Variants in ADGRL2 observed in about 807,000 individuals in gnomAD.
The protein encoded by ADGRL2 is calcium-independent alpha-latrotoxin receptor 2.
Under a neutral mutation model 157.4 loss-of-function variants are expected in ADGRL2, and 44 were observed. That is an observed-to-expected ratio of 0.28 (90% CI 0.22 to 0.36). The LOEUF (loss-of-function observed/expected upper bound fraction) is 0.36, where lower values mean the gene tolerates loss of function less well. ADGRL2 is among the 10% of genes least tolerant of loss of function. The pLI, the probability that ADGRL2 is intolerant of heterozygous loss-of-function variation, is 1.00. For missense variants in ADGRL2, 1,510 were observed against 1,768.9 expected (o/e 0.85, Z 2.63); for synonymous variants, 585 against 624.7 (o/e 0.94, Z 0.95).
chr1:81,679,283 G>C (rs1294389659), intron 3 of ADGRL2, among the ~76,000 whole-genome samples: 2 of 152,056 alleles, frequency 1.3e-5, no homozygotes, highest in African/African-American at 4.8e-5. Flanking sequence ...GAGTCAACAT[G>C]AGAGATCCAC....
At chr1:81,828,507 C>A (rs1195923138) in intron 1 of ADGRL2, among the ~76,000 whole-genome samples, 1 of 151,836 alleles carries the variant, frequency 6.6e-6, no homozygotes, top group Non-Finnish European at 1.5e-5. Flanking sequence ...TTTTAAAAAC[C>A]ATTAAAATGT....
intron 1 of ADGRL2, among the ~76,000 whole-genome samples, chr1:81,358,335 G>A (rs556493789): frequency 1.3e-5 from 2 of 152,110 alleles, no homozygotes; most frequent in Admixed American, 6.5e-5. Context: ...CGGCTCTCTT[G>A]GAATGAATGT....
chr1:81,980,762 CT>C, intron 18 of ADGRL2: 2 of 656,666 alleles, frequency 3.0e-6, no homozygotes, highest in Non-Finnish European at 5.8e-6. Context: ...TCTTTTCTTC[CT>C]TTTCCTCTTT....
chr1:81,389,659 G>A (rs2076498848), intron 1 of ADGRL2, among the ~76,000 whole-genome samples: 1 of 152,126 alleles, frequency 6.6e-6, no homozygotes, highest in South Asian at 2.1e-4. Context: ...ATGGTCTTGG[G>A]AAAGTCATCT....
At chr1:81,873,359 G>A (rs2093748008) in intron 2 of ADGRL2, among the ~76,000 whole-genome samples, 1 of 152,040 alleles carries the variant, frequency 6.6e-6, no homozygotes, top group South Asian at 2.1e-4. Flanking sequence ...GTTAGCACTG[G>A]ATAATCTGAA....
intron 2 of ADGRL2, among the ~76,000 whole-genome samples, chr1:81,783,803 C>G (rs1172640504): frequency 1.3e-5 from 2 of 152,092 alleles, no homozygotes; most frequent in African/African-American, 4.8e-5. Flanking sequence ...ATTTATATAA[C>G]AGCATTATAA....
intron 1 of ADGRL2, among the ~76,000 whole-genome samples, chr1:81,397,313 CTTTTTTTTTTTTTT>C (rs59449077): frequency 1.2e-3 from 67 of 53,650 alleles, no homozygotes; most frequent in African/African-American, 2.0e-3. Flanking sequence ...ATAATGTCTC[CTTTTTTTTTTTTTT>C]TTTTTTTTTT....
At chr1:81,810,284 G>T (rs1420022307) in intron 1 of ADGRL2, among the ~76,000 whole-genome samples, 1 of 151,262 alleles carries the variant, frequency 6.6e-6, no homozygotes, top group Admixed American at 6.6e-5. Context: ...TCTGTTTTAT[G>T]CAGACTACGT....
chr1:81,559,493 T>A (rs1165352783), intron 2 of ADGRL2, among the ~76,000 whole-genome samples: 1 of 151,948 alleles, frequency 6.6e-6, no homozygotes, highest in East Asian at 1.9e-4. Flanking sequence ...TTGCAGTTGT[T>A]CAGAATTCAA....
rs528549257 is a variant in ADGRL2 at position 81,453,467 on chromosome 1, C to A, written c.-248+8378C>A. Among the ~76,000 whole-genome samples, 66 of 152,108 alleles carry A rather than the reference C, an allele frequency of 4.3e-4. 1 individual carries two copies. The South Asian group carries it at 0.013, about 31-fold the overall frequency. On this transcript the variant is annotated intron_variant, in intron 2 of 24. Transcript: ENST00000370721. ...TGAGCCTGACCTTCCATAACAGCAG[C>A]CACTTAAGAGTTCTAGTGGTGGGGA... is the stretch of plus-strand genomic sequence containing the variant.
chr1:81,965,115 C>T (rs1433492374), intron 11 of ADGRL2, among the ~76,000 whole-genome samples: 1 of 151,986 alleles, frequency 6.6e-6, no homozygotes, highest in Non-Finnish European at 1.5e-5. Flanking sequence ...TTTGTATTGA[C>T]GTGTTTTCCT....
intron 1 of ADGRL2, among the ~76,000 whole-genome samples, chr1:81,754,020 G>T (rs543235762): frequency 6.6e-6 from 1 of 152,180 alleles, no homozygotes; most frequent in Admixed American, 6.6e-5. Flanking sequence ...GGGGAGTGGG[G>T]TCCTTCATAG....
chr1:81,984,498 C>A, intron 19 of ADGRL2, 85 bp from the exon 20 acceptor site: 1 of 1,294,538 alleles, frequency 7.7e-7, no homozygotes, highest in South Asian at 2.2e-5. Context: ...TAATTCTTTT[C>A]GGTTGTCTTC....
chr1:81,328,397 A>G (rs1466934748), intron 1 of ADGRL2, among the ~76,000 whole-genome samples: 3 of 152,092 alleles, frequency 2.0e-5, no homozygotes, highest in Non-Finnish European at 4.4e-5. Flanking sequence ...TACCCACTAA[A>G]AATAAAACCT....
Position 81,721,703 on chromosome 1 carries a change from C to A in ADGRL2, c.-143+21895C>A, listed in dbSNP as rs1439893186. 7 of 1,366,492 alleles carry A rather than the reference C, an allele frequency of 5.1e-6. No homozygotes were observed. The African/African-American group carries it at 7.1e-5, about 14-fold the overall frequency. 84.6% of individuals were successfully genotyped at this position (1,366,492 alleles called of 1,614,324 possible). ...CACTGCTTCCTGACCATGGACCCCCCGCAAAGTGAACGAGCAGGCCCTTGT... is the reference window on the plus strand; with the variant it reads ...CACTGCTTCCTGACCATGGACCCCCAGCAAAGTGAACGAGCAGGCCCTTGT... On this transcript the variant is annotated intron_variant, in intron 1 of 20. Transcript: ENST00000359929.
intron 2 of ADGRL2, among the ~76,000 whole-genome samples, chr1:81,536,953 A>G (rs1426048959): frequency 6.6e-6 from 1 of 152,214 alleles, no homozygotes; most frequent in Admixed American, 6.5e-5. Flanking sequence ...ATGCAAATAT[A>G]AGGTTCTCAG....
intron 1 of ADGRL2, among the ~76,000 whole-genome samples, chr1:81,829,441 C>T (rs966796143): frequency 1.3e-5 from 2 of 152,078 alleles, no homozygotes; most frequent in African/African-American, 4.8e-5. Context: ...TTGGCATAAT[C>T]GGGACTAACC....
intron 2 of ADGRL2, among the ~76,000 whole-genome samples, chr1:81,558,223 GT>G (rs1222464226): frequency 6.6e-6 from 1 of 152,094 alleles, no homozygotes; most frequent in Non-Finnish European, 1.5e-5. Flanking sequence ...TTCTGGAAGC[GT>G]TTACAATAAG....
At chr1:81,790,404 T>C (rs540315859) in intron 2 of ADGRL2, among the ~76,000 whole-genome samples, 1 of 152,202 alleles carries the variant, frequency 6.6e-6, no homozygotes, top group African/African-American at 2.4e-5. Context: ...TTCTGGAAAA[T>C]ACTCAAATTT....
Sources: gnomAD v4.1 joint callset for allele counts (sites outside exome capture counted in the v4.1 genomes callset) on GRCh38, gnomAD v4.1.1 for gene constraint, MANE v1.5 for transcripts, NCBI Gene and HGNC (gene_info 2026-07-23, HGNC 2026-07-21) for gene names.